Variants in FAM177A1 observed in about 807,000 individuals in gnomAD.
FAM177A1 encodes protein FAM177A1.
FAM177A1 carries 22 observed loss-of-function variants against 26.1 expected under a neutral mutation model. That is an observed-to-expected ratio of 0.84 (90% CI 0.60 to 1.20). The LOEUF (loss-of-function observed/expected upper bound fraction) is 1.20. Ranked by LOEUF, FAM177A1 falls within the 50% of genes most tolerant of loss-of-function variation. The pLI is 0.00. For missense variants in FAM177A1, 296 were observed against 291.1 expected, an observed-to-expected ratio of 1.02 and a Z score of -0.12; for synonymous variants, 95 against 99.3, an observed-to-expected ratio of 0.96 and a Z score of 0.26.
At chr14:35,045,365 G>A (rs1157187608), upstream of FAM177A1, among the ~76,000 whole-genome samples, 1 of 152,158 alleles carries the variant, frequency 6.6e-6, no homozygotes, top group African/African-American at 2.4e-5. Context: ...AATAGGAAGT[G>A]TACAATAACA....
intron 2 of FAM177A1, among the ~76,000 whole-genome samples, chr14:35,055,351 T>C (rs1027952955): frequency 6.6e-6 from 1 of 151,458 alleles, no homozygotes. Context: ...ATTCAAAGAT[T>C]GTACCATATA....
chr14:35,047,564 C>T (rs2044888540), intron 1 of FAM177A1, among the ~76,000 whole-genome samples: 1 of 152,178 alleles, frequency 6.6e-6, no homozygotes, highest in African/African-American at 2.4e-5. Context: ...GTCTGGCCAA[C>T]ATGGTGAAAC....
intron 4 of FAM177A1, among the ~76,000 whole-genome samples, chr14:35,079,724 T>C (rs1347079407): frequency 6.6e-6 from 1 of 152,162 alleles, no homozygotes; most frequent in African/African-American, 2.4e-5. Flanking sequence ...ATAAAATGTT[T>C]AGAACAGCAC....
At chr14:35,046,113 C>G (rs1342280689), upstream of FAM177A1, 1 of 185,050 alleles carries the variant, frequency 5.4e-6, no homozygotes, top group African/African-American at 2.3e-5. Context: ...GCGCCGAGGT[C>G]GAGACGCCAG....
chr14:35,065,112 T>G (rs1200134853), intron 2 of FAM177A1, among the ~76,000 whole-genome samples: 1 of 152,116 alleles, frequency 6.6e-6, no homozygotes, highest in Non-Finnish European at 1.5e-5. Flanking sequence ...TAGAATTACA[T>G]TCATAAAGTA....
At chr14:35,046,775 C>T (rs1159657933) in intron 1 of FAM177A1, 147 bp downstream of exon 1, 2 of 1,384,508 alleles carry the variant, frequency 1.4e-6, no homozygotes, top group East Asian at 2.9e-5. Flanking sequence ...TGTTTCTGCT[C>T]ACTGAGACCA....
rs898656288 is a variant in FAM177A1 at position 35,046,823 on chromosome 14, C to T, written c.165+195C>T. On this transcript the variant is annotated intron_variant, in intron 1 of 4. Coordinates refer to ENST00000280987, the MANE Select transcript of FAM177A1 (RefSeq NM_173607.5). ...GAGCGCCCCCCGCCTCACTCACCAACCCCTTGGCTGGCAGCACAGCAGACT... is the reference window on the plus strand; with the variant it reads ...GAGCGCCCCCCGCCTCACTCACCAATCCCTTGGCTGGCAGCACAGCAGACT... 1.0e-5 allele frequency: 14 copies of T among 1,368,708 alleles called. No homozygotes were observed. The African/African-American group carries it at 1.4e-4, about 13-fold the overall frequency. The allele number at this position is 1,368,708 out of a possible 1,614,324, so 84.8% of individuals were successfully genotyped here.
intron 2 of FAM177A1, among the ~76,000 whole-genome samples, chr14:35,071,578 C>T (rs2045322214): frequency 6.8e-6 from 1 of 146,128 alleles, no homozygotes. Flanking sequence ...AGTCAATGTT[C>T]AAACAAAGGG....
chr14:35,062,427 T>C (rs1207660397), intron 2 of FAM177A1, among the ~76,000 whole-genome samples: 1 of 151,990 alleles, frequency 6.6e-6, no homozygotes, highest in Non-Finnish European at 1.5e-5. Flanking sequence ...AAGAAATCTT[T>C]TTATATTTTC....
chr14:35,057,754 G>A (rs766363581), intron 2 of FAM177A1, among the ~76,000 whole-genome samples: 2 of 151,730 alleles, frequency 1.3e-5, no homozygotes, highest in African/African-American at 2.4e-5. Flanking sequence ...TGGTTATTTA[G>A]AAGTACATTT....
chr14:35,074,765 G>T (rs1482470509), intron 2 of FAM177A1, among the ~76,000 whole-genome samples: 1 of 151,672 alleles, frequency 6.6e-6, no homozygotes, highest in Non-Finnish European at 1.5e-5. Flanking sequence ...TTATTTCCCA[G>T]ATGCAGTGGC....
intron 1 of FAM177A1, among the ~76,000 whole-genome samples, chr14:35,051,266 C>T (rs897805220): frequency 9.2e-5 from 14 of 151,682 alleles, no homozygotes; most frequent in African/African-American, 3.4e-4. Context: ...ACTACAGGTG[C>T]GTGCCACCAC....
At chr14:35,047,913 G>A (rs994902306) in intron 1 of FAM177A1, among the ~76,000 whole-genome samples, 2 of 152,144 alleles carry the variant, frequency 1.3e-5, no homozygotes, top group African/African-American at 2.4e-5. Context: ...CAAACTGTGA[G>A]TATATCTCTG....
intron 4 of FAM177A1, among the ~76,000 whole-genome samples, chr14:35,080,198 T>C (rs1269694655): frequency 2.0e-5 from 3 of 152,200 alleles, no homozygotes; most frequent in Non-Finnish European, 4.4e-5. Flanking sequence ...CCTTTCAAAA[T>C]CTGTACATCT....
At chr14:35,069,939 A>G (rs61989491) in intron 2 of FAM177A1, among the ~76,000 whole-genome samples, 3,715 of 151,140 alleles carry the variant, frequency 0.025, 66 homozygotes, top group Non-Finnish European at 0.039. Flanking sequence ...AAGATGGTGA[A>G]ACCCCGTCTC....
upstream of FAM177A1, among the ~76,000 whole-genome samples, chr14:35,045,566 G>T (rs1422612913): frequency 1.3e-5 from 2 of 152,168 alleles, no homozygotes; most frequent in Non-Finnish European, 2.9e-5. Flanking sequence ...AATAATGTAT[G>T]TTTTGGTTTT....
chr14:35,080,567 G>A (rs9652275), intron 4 of FAM177A1, among the ~76,000 whole-genome samples: 9,285 of 152,188 alleles, frequency 0.061, 429 homozygotes, highest in African/African-American at 0.13. Flanking sequence ...TTGGGAGGCC[G>A]AGGTGGGTGG....
chr14:35,051,605 G>GT (rs1398773995), intron 1 of FAM177A1, among the ~76,000 whole-genome samples: 1 of 152,054 alleles, frequency 6.6e-6, no homozygotes, highest in African/African-American at 2.4e-5. Flanking sequence ...TAAAGTTGGG[G>GT]TTTTGCCATG....
intron 4 of FAM177A1, 115 bp from the exon 5 acceptor site, chr14:35,080,907 T>C: frequency 1.5e-6 from 2 of 1,341,940 alleles, no homozygotes; most frequent in Non-Finnish European, 2.0e-6. Flanking sequence ...GATTTGAACA[T>C]GACACTTTTT....
Sources: gnomAD v4.1 joint callset for allele counts (sites outside exome capture counted in the v4.1 genomes callset) on GRCh38, gnomAD v4.1.1 for gene constraint, MANE v1.5 for transcripts, NCBI Gene and HGNC (gene_info 2026-07-23, HGNC 2026-07-21) for gene names.